WWOX: variants seen among roughly 807,000 people sequenced by gnomAD.
WWOX encodes WW domain-containing oxidoreductase.
In WWOX, 69 loss-of-function variants were observed where a neutral mutation model predicts 46.2. The ratio of observed to expected loss-of-function variants is 1.49; its 90% CI spans 1.23 to 1.82. WWOX has a LOEUF of 1.82. WWOX is among the 40% of genes most tolerant of loss of function. The pLI, the probability that WWOX is intolerant of heterozygous loss-of-function variation, is 0.00. For synonymous variants in WWOX, 359 were observed against 202.6 expected (o/e 1.77, Z -6.56); for missense variants, 919 against 542.6 (o/e 1.69, Z -6.89).
chr16:79,184,167 T>C (rs1464656663), intron 8 of WWOX, among the ~76,000 whole-genome samples: 1 of 152,152 alleles, frequency 6.6e-6, no homozygotes, highest in Non-Finnish European at 1.5e-5. Context: ...CCCCAAATGC[T>C]CAGAACTGTT....
intron 8 of WWOX, among the ~76,000 whole-genome samples, chr16:78,657,559 T>A (rs1306829874): frequency 1.3e-5 from 2 of 152,312 alleles, no homozygotes; most frequent in East Asian, 1.9e-4. Context: ...GTTAAAGACG[T>A]GACCCTGGCC....
chr16:78,329,150 C>G (rs780286858), intron 5 of WWOX, among the ~76,000 whole-genome samples: 1 of 152,046 alleles, frequency 6.6e-6, no homozygotes, highest in Non-Finnish European at 1.5e-5. Context: ...TGTGAGCTAC[C>G]GCACCCAGCC....
At chr16:79,208,393 A>G (rs911516347) in intron 8 of WWOX, among the ~76,000 whole-genome samples, 1 of 150,334 alleles carries the variant, frequency 6.7e-6, no homozygotes, top group African/African-American at 2.5e-5. Context: ...AAAAAAAAAA[A>G]TCGTTTAGGG....
chr16:78,244,829 T>A (rs1030556499), intron 5 of WWOX, among the ~76,000 whole-genome samples: 2 of 152,188 alleles, frequency 1.3e-5, no homozygotes, highest in African/African-American at 4.8e-5. Context: ...CTTTCCCCCT[T>A]GGAGTTCTGT....
At chr16:78,917,020 A>C (rs2045267359) in intron 8 of WWOX, among the ~76,000 whole-genome samples, 1 of 152,066 alleles carries the variant, frequency 6.6e-6, no homozygotes, top group Admixed American at 6.5e-5. Context: ...TGACAAGCTC[A>C]CTCCTTGGGT....
intron 5 of WWOX, among the ~76,000 whole-genome samples, chr16:78,386,519 C>T (rs1011994464): frequency 6.6e-6 from 1 of 152,152 alleles, no homozygotes; most frequent in Non-Finnish European, 1.5e-5. Context: ...CGTTGTCGTG[C>T]ATTCCCCTCC....
chr16:78,422,213 T>C (rs1409087196), intron 6 of WWOX, among the ~76,000 whole-genome samples: 1 of 152,182 alleles, frequency 6.6e-6, no homozygotes, highest in Non-Finnish European at 1.5e-5. Flanking sequence ...TTCTATATGA[T>C]TGCATATATT....
intron 8 of WWOX, among the ~76,000 whole-genome samples, chr16:78,989,032 T>A (rs2046834263): frequency 6.6e-6 from 1 of 152,226 alleles, no homozygotes; most frequent in Admixed American, 6.5e-5. Context: ...GTAATCATCC[T>A]GAGTTCGATG....
intron 8 of WWOX, among the ~76,000 whole-genome samples, chr16:78,778,597 G>A (rs987289950): frequency 6.6e-6 from 1 of 152,162 alleles, no homozygotes; most frequent in African/African-American, 2.4e-5. Flanking sequence ...GAAATTCAAG[G>A]TGTGGTCTCA....
In WWOX at chr16:79,017,393, G is replaced by GCA. The variant is rs1450998565; in HGVS notation, c.1057-194213_1057-194212dup. 5 of 114,926 alleles carry GCA rather than the reference G, an allele frequency of 4.4e-5. No homozygotes were observed. In the East Asian group the frequency reaches 1.5e-3, roughly 35 times the overall value. The allele number at this position is 114,926 out of a possible 1,614,324, so 7.1% of individuals were successfully genotyped here. ...TGCAGTGAACCGTGATCGCTTCACT[G>GCA]CACTCCAGCCTGGGCAACAGAGCGA... On this transcript the variant is annotated intron_variant, in intron 8 of 8. Transcript: ENST00000566780.
chr16:78,943,370 C>T (rs1418464660), intron 8 of WWOX, among the ~76,000 whole-genome samples: 2 of 152,146 alleles, frequency 1.3e-5, no homozygotes, highest in Non-Finnish European at 2.9e-5. Context: ...TATTCACTAA[C>T]TGTTCATCTC....
At position 78,228,011 on chromosome 16, in the gene WWOX, A is replaced by G. The variant is rs114919233; in HGVS notation, c.516+63722A>G. On this transcript the variant is annotated intron_variant, in intron 5 of 8. Transcript: ENST00000566780. ...CCAGGGCACCACACCAACATGGTCTATGGACCCTCTCTCTGGCAAATAGAG... is the reference window on the plus strand; with the variant it reads ...CCAGGGCACCACACCAACATGGTCTGTGGACCCTCTCTCTGGCAAATAGAG... Among the ~76,000 whole-genome samples, 1,049 of 152,266 alleles carry G rather than the reference A, an allele frequency of 6.9e-3. 12 individuals carry two copies. Among genetic ancestry groups the G allele is most frequent in the African/African-American group, 0.023 (948 of 41,552 alleles).
At position 78,417,215 on chromosome 16, in the gene WWOX, G is replaced by C. The variant is rs75202838; in HGVS notation, c.606-7655G>C. ...AGCTTCCCAAGTAGCTGAGACTACA[G>C]GTGCATGCCACTGGCTATTTTTATT... On this transcript the variant is annotated intron_variant, in intron 6 of 8. Coordinates refer to ENST00000566780, the MANE Select transcript of WWOX (RefSeq NM_016373.4). 6.6e-3 allele frequency among the ~76,000 whole-genome samples: 1,007 copies of C among 152,164 alleles called. 5 individuals are homozygous for C. Among genetic ancestry groups the C allele is most frequent in the Admixed American group, 0.011 (168 of 15,280 alleles).
chr16:78,864,146 C>G (rs1333454120), intron 8 of WWOX, among the ~76,000 whole-genome samples: 1 of 152,112 alleles, frequency 6.6e-6, no homozygotes, highest in Admixed American at 6.5e-5. Context: ...TAACCACCTA[C>G]CTGGGAGTGG....
intron 8 of WWOX, among the ~76,000 whole-genome samples, chr16:78,715,715 G>T (rs2048545528): frequency 1.3e-5 from 2 of 152,118 alleles, no homozygotes; most frequent in Admixed American, 1.3e-4. Context: ...GACTTCAGGT[G>T]GTCTATCCAC....
intron 8 of WWOX, among the ~76,000 whole-genome samples, chr16:78,663,234 T>G (rs1316790307): frequency 6.6e-6 from 1 of 152,178 alleles, no homozygotes; most frequent in Non-Finnish European, 1.5e-5. Context: ...GTAATTGATA[T>G]AAATGGAATC....
chr16:78,836,174 G>C (rs2051978838), intron 8 of WWOX, among the ~76,000 whole-genome samples: 1 of 145,446 alleles, frequency 6.9e-6, no homozygotes, highest in African/African-American at 2.5e-5. Flanking sequence ...TGGTTAACAT[G>C]CATTTTTTTT....
At chr16:78,879,158 C>G (rs990224606) in intron 8 of WWOX, among the ~76,000 whole-genome samples, 1 of 152,030 alleles carries the variant, frequency 6.6e-6, no homozygotes, top group Non-Finnish European at 1.5e-5. Flanking sequence ...ATAAGAAAAT[C>G]GAAGTTGAGG....
intron 8 of WWOX, among the ~76,000 whole-genome samples, chr16:78,935,614 G>T (rs1172835952): frequency 7.0e-6 from 1 of 143,072 alleles, no homozygotes; most frequent in African/African-American, 2.6e-5. Flanking sequence ...CGTGGGCTGG[G>T]GGGAGGGGAG....
Sources: gnomAD v4.1 joint callset for allele counts (sites outside exome capture counted in the v4.1 genomes callset) on GRCh38, gnomAD v4.1.1 for gene constraint, MANE v1.5 for transcripts, NCBI Gene and HGNC (gene_info 2026-07-23, HGNC 2026-07-21) for gene names.